DNAJC1: variants seen among roughly 807,000 people sequenced by gnomAD.
The protein encoded by DNAJC1 is dnaJ homolog subfamily C member 1.
A neutral mutation model predicts 76.6 loss-of-function variants in DNAJC1; 58 were observed. The observed-to-expected ratio is 0.76, with a 90% CI of 0.61 to 0.94. The LOEUF (loss-of-function observed/expected upper bound fraction) is 0.94. DNAJC1 is among the 40% of genes least tolerant of loss of function. The probability of loss-of-function intolerance (pLI) is 0.00; values close to 1 mark genes in which losing one functional copy is unlikely to be tolerated. For missense variants in DNAJC1, 689 were observed against 677.3 expected (o/e 1.02, Z -0.19); for synonymous variants, 258 against 267.9 (o/e 0.96, Z 0.36).
At chr10:21,967,316 A>G (rs949753680) in intron 1 of DNAJC1, among the ~76,000 whole-genome samples, 1 of 152,024 alleles carries the variant, frequency 6.6e-6, no homozygotes, top group Non-Finnish European at 1.5e-5. Context: ...TGGCTGTTTC[A>G]TTTAGCACAA....
intron 8 of DNAJC1, among the ~76,000 whole-genome samples, chr10:21,881,883 G>A (rs527505653): frequency 5.6e-4 from 83 of 148,364 alleles, no homozygotes; most frequent in African/African-American, 1.9e-3. Flanking sequence ...GGCCAGGCAC[G>A]GTGGCTCACA....
intron 7 of DNAJC1, among the ~76,000 whole-genome samples, chr10:21,895,347 A>C (rs1403639033): frequency 6.6e-6 from 1 of 152,208 alleles, no homozygotes; most frequent in Admixed American, 6.5e-5. Flanking sequence ...AGTTTATTGG[A>C]AACTGGAAGA....
chr10:21,827,324 T>C (rs1835277383), intron 8 of DNAJC1, among the ~76,000 whole-genome samples: 1 of 152,184 alleles, frequency 6.6e-6, no homozygotes, highest in South Asian at 2.1e-4. Flanking sequence ...GATTTACCCA[T>C]ATTGATACAT....
At chr10:21,949,083 G>C (rs1377919356) in intron 1 of DNAJC1, among the ~76,000 whole-genome samples, 1 of 152,132 alleles carries the variant, frequency 6.6e-6, no homozygotes, top group East Asian at 1.9e-4. Context: ...TTTGGGTTAA[G>C]TGTTTTCTGA....
chr10:21,813,094 CACATATAT>C (rs1326034189), intron 8 of DNAJC1, among the ~76,000 whole-genome samples: 19 of 66,748 alleles, frequency 2.8e-4, no homozygotes, highest in African/African-American at 1.0e-3. Context: ...TATACACACA[CACATATAT>C]ATATATATAT....
chr10:21,928,712 T>C (rs1418129902), intron 2 of DNAJC1, among the ~76,000 whole-genome samples, 160 bp from the exon 3 acceptor site: 1 of 152,180 alleles, frequency 6.6e-6, no homozygotes, highest in Non-Finnish European at 1.5e-5. Flanking sequence ...GTTTTGGTAG[T>C]ACCTTAAGAG....
intron 6 of DNAJC1, among the ~76,000 whole-genome samples, chr10:21,915,937 G>A (rs1836947040): frequency 1.3e-5 from 2 of 151,068 alleles, no homozygotes; most frequent in Admixed American, 6.6e-5. Context: ...GAGCCCAGGA[G>A]TATGAGGCCA....
intron 1 of DNAJC1, among the ~76,000 whole-genome samples, chr10:21,983,720 CAA>C (rs35597471): frequency 1.1e-3 from 120 of 113,752 alleles, no homozygotes; most frequent in East Asian, 3.4e-3. Flanking sequence ...GATTCTGTCT[CAA>C]AAAAAAAAAA....
At chr10:21,999,853 G>A (rs1838489250) in intron 1 of DNAJC1, among the ~76,000 whole-genome samples, 1 of 152,028 alleles carries the variant, frequency 6.6e-6, no homozygotes, top group African/African-American at 2.4e-5. Flanking sequence ...CCAGTTTTGT[G>A]GCTTCAAGTT....
rs769711817 is a variant in DNAJC1, at chr10:22,003,275, C to G, written c.160G>C (p.Glu54Gln). ...ACCTCCTCCACTAAGTCAAACAACT[C>G]CAGGTCTCCGCTCTCCCAGCCGCGC... ...PARGWESGDL[E>Q]LFDLVEEVQL... is the part of the protein sequence containing the mutation. Residue 54 changes from glutamate (E) to glutamine (Q), a missense_variant, in exon 1 of 12, where the codon GAG becomes CAG. Glu to Gln is a conservative substitution (Grantham distance 29). Coordinates refer to ENST00000376980, the MANE Select transcript of DNAJC1 (RefSeq NM_022365.4). 6.4e-7 allele frequency: 1 copy of G among 1,552,564 alleles called. No homozygotes were observed. Among genetic ancestry groups the G allele is most frequent in the South Asian group, 1.2e-5 (1 of 83,048 alleles).
chr10:21,880,745 T>C (rs1020038688), intron 8 of DNAJC1, among the ~76,000 whole-genome samples: 1 of 152,222 alleles, frequency 6.6e-6, no homozygotes, highest in Admixed American at 6.5e-5. Flanking sequence ...AGCATAATTC[T>C]TGAGTACCCT....
At chr10:21,892,793 G>A (rs945475904) in intron 7 of DNAJC1, among the ~76,000 whole-genome samples, 5 of 152,024 alleles carry the variant, frequency 3.3e-5, no homozygotes, top group African/African-American at 4.8e-5. Flanking sequence ...CAGGAATGAA[G>A]AGAGACATTA....
intron 1 of DNAJC1, among the ~76,000 whole-genome samples, chr10:21,974,579 T>A (rs1838032427): frequency 6.6e-6 from 1 of 152,218 alleles, no homozygotes; most frequent in African/African-American, 2.4e-5. Context: ...ATATATTTCA[T>A]GAAAAAGTAA....
intron 9 of DNAJC1, among the ~76,000 whole-genome samples, chr10:21,770,395 C>CTTTTTT (rs34881959): frequency 4.7e-5 from 5 of 107,524 alleles, no homozygotes; most frequent in Non-Finnish European, 5.4e-5. Context: ...TTTTTTTCTT[C>CTTTTTT]TTTTTTTTTT....
chr10:21,952,911 A>G (rs890397960), intron 1 of DNAJC1, among the ~76,000 whole-genome samples: 1 of 152,148 alleles, frequency 6.6e-6, no homozygotes, highest in Non-Finnish European at 1.5e-5. Context: ...TAAATTCACC[A>G]TACAGGGTCA....
chr10:21,801,760 T>C (rs1400176137), intron 9 of DNAJC1, among the ~76,000 whole-genome samples: 2 of 152,170 alleles, frequency 1.3e-5, no homozygotes, highest in East Asian at 3.9e-4. Context: ...TGATAGATAG[T>C]ATAAAGAAAA....
intron 1 of DNAJC1, among the ~76,000 whole-genome samples, chr10:21,961,522 G>A (rs1309627006): frequency 6.6e-6 from 1 of 152,100 alleles, no homozygotes; most frequent in African/African-American, 2.4e-5. Flanking sequence ...ATCTAGAATA[G>A]GCAAATCCAT....
At chr10:21,854,086 T>C (rs916012546) in intron 8 of DNAJC1, among the ~76,000 whole-genome samples, 8 of 152,010 alleles carry the variant, frequency 5.3e-5, no homozygotes, top group Admixed American at 1.3e-4. Flanking sequence ...ATTTACCCTA[T>C]AGACACTACA....
chr10:21,832,020 T>A (rs1030715299), intron 8 of DNAJC1, among the ~76,000 whole-genome samples: 1 of 151,984 alleles, frequency 6.6e-6, no homozygotes, highest in East Asian at 1.9e-4. Context: ...AGAATTGACA[T>A]AGGATATAAG....
Sources: allele counts gnomAD v4.1 joint callset (sites outside exome capture counted in the v4.1 genomes callset), GRCh38; gene constraint gnomAD v4.1.1; transcripts MANE v1.5; gene names NCBI Gene and HGNC (gene_info 2026-07-23, HGNC 2026-07-21).